Variants in TRPM3 observed in about 807,000 individuals in gnomAD.
The protein encoded by TRPM3 is transient receptor potential cation channel subfamily M member 3.
A neutral mutation model predicts 181.2 loss-of-function variants in TRPM3; 77 were observed. The observed-to-expected ratio is 0.42, with a 90% confidence interval of 0.35 to 0.51. TRPM3 has a LOEUF of 0.51. Among genes scored for constraint, TRPM3 ranks in the 20% least tolerant of loss-of-function variants. The pLI, the probability that TRPM3 is intolerant of heterozygous loss-of-function variation, is 0.01. For missense variants in TRPM3, 1,759 were observed against 2,196.7 expected (o/e 0.80, Z 3.98); for synonymous variants, 745 against 796.4 (o/e 0.94, Z 1.09).
In TRPM3 at chr9:70,535,586, C is replaced by G. The variant is rs2041527222; in HGVS notation, c.*367G>C. On this transcript the variant is annotated 3_prime_UTR_variant, in exon 26 of 26. Coordinates refer to ENST00000677713, the MANE Select transcript of TRPM3 (RefSeq NM_001366145.2). ...GCATCCTACAACTCTTGATAATGGT[C>G]AGAAATCAACAGATGCCTCCTGGCA... 6.7e-7 allele frequency: 1 copy of G among 1,502,376 alleles called. No homozygotes were observed. The highest frequency in any genetic ancestry group is 2.5e-5 in the East Asian group (1 of 40,668). The allele number at this position is 1,502,376 out of a possible 1,614,324, so 93.1% of individuals were successfully genotyped here. A position where few individuals can be genotyped will look rare whatever the true frequency, so the allele number is the denominator to read the frequency against.
chr9:71,272,875 A>ATT (rs879522122), intron 1 of TRPM3, among the ~76,000 whole-genome samples: 60 of 142,896 alleles, frequency 4.2e-4, no homozygotes, highest in African/African-American at 1.1e-3. Flanking sequence ...GAAAGCGGTA[A>ATT]TTTTTTTTTT....
intron 1 of TRPM3, among the ~76,000 whole-genome samples, chr9:71,219,978 T>G (rs962180352): frequency 6.6e-6 from 1 of 152,188 alleles, no homozygotes; most frequent in African/African-American, 2.4e-5. Flanking sequence ...TGCCCCCCAA[T>G]CCTCACCAAG....
At chr9:71,101,195 T>C (rs2068303437) in intron 1 of TRPM3, among the ~76,000 whole-genome samples, 2 of 152,142 alleles carry the variant, frequency 1.3e-5, no homozygotes, top group Admixed American at 1.3e-4. Context: ...GATTTCAGGA[T>C]TGATATTGTG....
chr9:70,664,260 A>G (rs2061505710), intron 9 of TRPM3, among the ~76,000 whole-genome samples: 1 of 152,124 alleles, frequency 6.6e-6, no homozygotes, highest in Admixed American at 6.6e-5. Context: ...CTAAATCCCT[A>G]ATTTTTCAGA....
At chr9:71,418,914 ATATGTG>A (rs752108218) in intron 1 of TRPM3, among the ~76,000 whole-genome samples, 73 of 138,892 alleles carry the variant, frequency 5.3e-4, no homozygotes, top group Non-Finnish European at 1.0e-3. Context: ...GTGTGTATAT[ATATGTG>A]TGTGTGTGTA....
chr9:71,160,201 T>G (rs1018906621), intron 1 of TRPM3, among the ~76,000 whole-genome samples: 3 of 152,150 alleles, frequency 2.0e-5, no homozygotes, highest in African/African-American at 7.2e-5. Context: ...TGTCATCCCT[T>G]TCAAATCTTT....
chr9:70,761,271 G>T (rs954838611), intron 8 of TRPM3: 6 of 596,538 alleles, frequency 1.0e-5, no homozygotes, highest in Non-Finnish European at 1.8e-5. Flanking sequence ...AATGAAATCC[G>T]AAACCTAAGA....
At chr9:71,180,209 C>T (rs1380543460) in intron 1 of TRPM3, among the ~76,000 whole-genome samples, 1 of 152,012 alleles carries the variant, frequency 6.6e-6, no homozygotes, top group Non-Finnish European at 1.5e-5. Flanking sequence ...TGTGCATCAG[C>T]ACACCCAGCT....
chr9:70,768,633 T>C (rs1303274721), intron 7 of TRPM3, among the ~76,000 whole-genome samples: 1 of 151,910 alleles, frequency 6.6e-6, no homozygotes, highest in Admixed American at 6.6e-5. Flanking sequence ...TGTTTGGAAA[T>C]GATTGGGCCA....
intron 22 of TRPM3, among the ~76,000 whole-genome samples, chr9:70,575,346 A>ATGT (rs1356826577): frequency 6.6e-6 from 1 of 152,056 alleles, no homozygotes; most frequent in African/African-American, 2.4e-5. Flanking sequence ...TCACCCTTAC[A>ATGT]TGTACCCTAC....
chr9:71,267,207 A>G (rs1308007062), intron 1 of TRPM3, among the ~76,000 whole-genome samples: 1 of 151,944 alleles, frequency 6.6e-6, no homozygotes, highest in Non-Finnish European at 1.5e-5. Flanking sequence ...CTTAAATGTC[A>G]CCTCCTTAGA....
At chr9:71,144,166 T>C (rs1014353197) in intron 1 of TRPM3, among the ~76,000 whole-genome samples, 2 of 152,092 alleles carry the variant, frequency 1.3e-5, no homozygotes, top group African/African-American at 2.4e-5. Flanking sequence ...TAAGAAAAAA[T>C]AAGTGAGAGT....
intron 1 of TRPM3, among the ~76,000 whole-genome samples, chr9:71,295,193 G>A (rs1307359896): frequency 6.6e-6 from 1 of 151,952 alleles, no homozygotes; most frequent in Non-Finnish European, 1.5e-5. Flanking sequence ...TATAAACCTT[G>A]CTGATTCATT....
At chr9:71,156,421 A>ACACACACACAC (rs1565285024) in intron 1 of TRPM3, among the ~76,000 whole-genome samples, 2 of 120,016 alleles carry the variant, frequency 1.7e-5, no homozygotes. Flanking sequence ...ACACACACAC[A>ACACACACACAC]AGGCTTATCA....
chr9:71,220,489 A>G (rs2080173922), intron 1 of TRPM3, among the ~76,000 whole-genome samples: 1 of 152,034 alleles, frequency 6.6e-6, no homozygotes, highest in Non-Finnish European at 1.5e-5. Context: ...TTTAAGGGCC[A>G]ACTGAAATTT....
intron 1 of TRPM3, among the ~76,000 whole-genome samples, chr9:70,955,793 T>C (rs555292648): frequency 6.6e-6 from 1 of 152,322 alleles, no homozygotes; most frequent in African/African-American, 2.4e-5. Context: ...CCCTGTGGGA[T>C]AGAATCCAAG....
At chr9:70,664,597 G>T (rs2061553888) in intron 9 of TRPM3, among the ~76,000 whole-genome samples, 1 of 151,734 alleles carries the variant, frequency 6.6e-6, no homozygotes, top group South Asian at 2.1e-4. Context: ...ATGGACATGG[G>T]GGATTCTCCA....
intron 1 of TRPM3, among the ~76,000 whole-genome samples, chr9:71,316,638 C>T (rs2088620814): frequency 6.6e-6 from 1 of 152,064 alleles, no homozygotes; most frequent in South Asian, 2.1e-4. Flanking sequence ...ATGAAGGCGA[C>T]CTCCAGAAGC....
chr9:71,316,403 G>T (rs1404567555), intron 1 of TRPM3, among the ~76,000 whole-genome samples: 3 of 152,092 alleles, frequency 2.0e-5, no homozygotes, highest in East Asian at 3.9e-4. Flanking sequence ...TTTAATCCTT[G>T]GAACATGTGA....
Sources: allele counts gnomAD v4.1 joint callset (sites outside exome capture counted in the v4.1 genomes callset), GRCh38; gene constraint gnomAD v4.1.1; transcripts MANE v1.5; gene names NCBI Gene and HGNC (gene_info 2026-07-23, HGNC 2026-07-21).